Variants in VPS45 observed in about 807,000 individuals in gnomAD.
The protein encoded by VPS45 is vacuolar protein sorting 45 homolog.
In VPS45, 35 loss-of-function variants were observed where a neutral mutation model predicts 75.9. The ratio of observed to expected loss-of-function variants is 0.46; its 90% CI spans 0.35 to 0.61. The LOEUF is 0.61. VPS45 is among the 20% of genes least tolerant of loss of function. VPS45 has a pLI of 0.00. For synonymous variants in VPS45, 220 were observed against 238.2 expected (o/e 0.92, Z 0.70); for missense variants, 559 against 685.9 (o/e 0.81, Z 2.07).
chr1:150,105,846 C>A (rs587748567), intron 13 of VPS45, among the ~76,000 whole-genome samples: 1 of 152,244 alleles, frequency 6.6e-6, no homozygotes, highest in Non-Finnish European at 1.5e-5. Flanking sequence ...CATTGCCTGA[C>A]TTCAAATTAT....
At chr1:150,077,292 T>A in intron 6 of VPS45, 61 bp downstream of exon 6, 2 of 1,560,300 alleles carry the variant, frequency 1.3e-6, no homozygotes, top group Non-Finnish European at 8.7e-7. Context: ...CTATCATATT[T>A]CAGAAACTAA....
intron 9 of VPS45, 72 bp from the exon 10 acceptor site, chr1:150,082,644 C>T: frequency 6.5e-7 from 1 of 1,530,772 alleles, no homozygotes; most frequent in Non-Finnish European, 8.8e-7. Context: ...CTTTCCCCAA[C>T]CCCCATTCAG....
At chr1:150,134,431 G>A (rs1454785849) in intron 14 of VPS45, among the ~76,000 whole-genome samples, 2 of 152,092 alleles carry the variant, frequency 1.3e-5, no homozygotes, top group African/African-American at 2.4e-5. Flanking sequence ...TAATAAATAC[G>A]CTTGAGCCTT....
chr1:150,123,429 A>T (rs1658341304), intron 14 of VPS45, among the ~76,000 whole-genome samples: 1 of 152,198 alleles, frequency 6.6e-6, no homozygotes, highest in Admixed American at 6.5e-5. Flanking sequence ...TGAATTAAGA[A>T]ATTATCCACC....
Position 150,070,309 on chromosome 1 carries a change from TA to T in VPS45, c.228+1548del, listed in dbSNP as rs587656743. ...TTCCTGTCACACAGTGGACACTCAA[TA>T]AACAGTTGCTGAATTAATGAACACA... On this transcript the variant is annotated intron_variant, in intron 2 of 14. Coordinates refer to ENST00000644510, the MANE Select transcript of VPS45 (RefSeq NM_007259.5). Among the ~76,000 whole-genome samples, 19 of 152,286 alleles carry T rather than the reference TA, an allele frequency of 1.2e-4. No homozygotes were observed. In the South Asian group the frequency reaches 3.9e-3, roughly 32 times the overall value.
chr1:150,071,400 C>G (rs1655065026), intron 2 of VPS45, among the ~76,000 whole-genome samples: 1 of 152,112 alleles, frequency 6.6e-6, no homozygotes, highest in Admixed American at 6.5e-5. Context: ...TCTTACATCC[C>G]AATAAGTTAA....
At chr1:150,128,931 T>C (rs1282443328) in intron 14 of VPS45, among the ~76,000 whole-genome samples, 1 of 152,090 alleles carries the variant, frequency 6.6e-6, no homozygotes, top group Non-Finnish European at 1.5e-5. Flanking sequence ...TTAGTAGAGA[T>C]GGGGTTTCAC....
chr1:150,085,953 A>G (rs1444155545), intron 10 of VPS45, among the ~76,000 whole-genome samples: 1 of 152,060 alleles, frequency 6.6e-6, no homozygotes, highest in Non-Finnish European at 1.5e-5. Context: ...AAAGTGAGCA[A>G]TTCCACCCTT....
intron 10 of VPS45, among the ~76,000 whole-genome samples, chr1:150,087,113 A>C (rs1553800874): frequency 6.6e-6 from 1 of 152,226 alleles, no homozygotes; most frequent in Admixed American, 6.5e-5. Flanking sequence ...AAAAGTAAAA[A>C]AAGATTTAGC....
At chr1:150,143,156 A>G (rs918894128) in intron 14 of VPS45, among the ~76,000 whole-genome samples, 4 of 152,244 alleles carry the variant, frequency 2.6e-5, no homozygotes, top group Non-Finnish European at 5.9e-5. Context: ...GGATAAAGTA[A>G]TAACAGTAAT....
chr1:150,138,333 T>C (rs1659220751), intron 14 of VPS45, among the ~76,000 whole-genome samples: 1 of 152,176 alleles, frequency 6.6e-6, no homozygotes, highest in South Asian at 2.1e-4. Flanking sequence ...ATCACTTAGC[T>C]TCCAGGAACT....
intron 13 of VPS45, among the ~76,000 whole-genome samples, chr1:150,102,904 A>G (rs1242648802): frequency 6.6e-6 from 1 of 152,208 alleles, no homozygotes; most frequent in African/African-American, 2.4e-5. Context: ...AACAGAAAAG[A>G]TAACTATTGG....
chr1:150,086,722 G>A (rs1656035929), intron 10 of VPS45, among the ~76,000 whole-genome samples: 2 of 152,082 alleles, frequency 1.3e-5, no homozygotes, highest in Non-Finnish European at 2.9e-5. Flanking sequence ...TGGCTCCGAT[G>A]TATTTACCAG....
chr1:150,079,798 G>A (rs1311842020), intron 7 of VPS45, among the ~76,000 whole-genome samples: 3 of 152,144 alleles, frequency 2.0e-5, no homozygotes, highest in African/African-American at 7.2e-5. Flanking sequence ...GGAAATCTGT[G>A]GAGTGAAACT....
intron 10 of VPS45, among the ~76,000 whole-genome samples, chr1:150,087,016 A>G (rs1656056210): frequency 6.6e-6 from 1 of 151,870 alleles, no homozygotes; most frequent in Admixed American, 6.6e-5. Context: ...ACCAACTGTA[A>G]TCTGTATAAT....
rs139179944 is a variant in VPS45 at position 150,127,266 on chromosome 1, T to G, written c.1625+16639T>G. ...TGTGGCCACGAGAACATTTGTGACT[T>G]GCACTGCTTTATCCATTTAATTTTG... On this transcript the variant is annotated intron_variant, in intron 14 of 14. Transcript: ENST00000644510. Among the ~76,000 whole-genome samples the G allele has an allele frequency of 2.8e-3, 426 of 152,302 alleles. 1 individual carries two copies. The highest frequency in any genetic ancestry group is 0.027 in the Middle Eastern group (8 of 294).
intron 1 of VPS45, chr1:150,068,191 A>G (rs1230194145): frequency 2.0e-6 from 1 of 501,150 alleles, no homozygotes; most frequent in Non-Finnish European, 3.5e-6. Context: ...ATCCTTTTCT[A>G]AATGTCCCCG....
chr1:150,116,991 A>G (rs916040358), intron 14 of VPS45, among the ~76,000 whole-genome samples: 1 of 152,156 alleles, frequency 6.6e-6, no homozygotes, highest in African/African-American at 2.4e-5. Flanking sequence ...TCATGAGGTC[A>G]GAAGATCGAG....
intron 3 of VPS45, among the ~76,000 whole-genome samples, chr1:150,073,344 A>C (rs1326904921): frequency 6.6e-6 from 1 of 152,192 alleles, no homozygotes; most frequent in African/African-American, 2.4e-5. Context: ...TCTTCAGCGT[A>C]TACTACTTAA....
Sources: allele counts gnomAD v4.1 joint callset (sites outside exome capture counted in the v4.1 genomes callset), GRCh38; gene constraint gnomAD v4.1.1; transcripts MANE v1.5; gene names NCBI Gene and HGNC (gene_info 2026-07-23, HGNC 2026-07-21).